SLC34A2: variants seen among roughly 807,000 people sequenced by gnomAD.
SLC34A2 encodes sodium-dependent phosphate transport protein 2B.
SLC34A2 carries 41 observed loss-of-function variants against 50.8 expected under a neutral mutation model. The observed-to-expected ratio is 0.81, with a 90% confidence interval of 0.63 to 1.05. SLC34A2 has a LOEUF of 1.05. Among genes scored for constraint, SLC34A2 ranks in the 50% least tolerant of loss-of-function variants. The probability of loss-of-function intolerance (pLI) is 0.00; values close to 1 mark genes in which losing one functional copy is unlikely to be tolerated. For missense variants in SLC34A2, 879 were observed against 876.7 expected, an observed-to-expected ratio of 1.00 and a Z score of -0.03; for synonymous variants, 401 against 364.2, an observed-to-expected ratio of 1.10 and a Z score of -1.15.
intron 1 of SLC34A2, among the ~76,000 whole-genome samples, chr4:25,661,997 C>T (rs1435209695): frequency 2.0e-5 from 3 of 151,994 alleles, no homozygotes; most frequent in African/African-American, 2.4e-5. Context: ...CTCAGCCTCC[C>T]GAGTAGCTGG....
At chr4:25,665,155 G>A (rs1197479524) in intron 4 of SLC34A2, 1 of 198,734 alleles carries the variant, frequency 5.0e-6, no homozygotes, top group African/African-American at 2.4e-5. Context: ...AACACTTCCT[G>A]GACATTGCTT....
intron 8 of SLC34A2, among the ~76,000 whole-genome samples, chr4:25,671,046 T>C (rs1254302832): frequency 6.6e-6 from 1 of 152,184 alleles, no homozygotes; most frequent in Non-Finnish European, 1.5e-5. Flanking sequence ...CAGACTCCCT[T>C]TTGCCCCATC....
chr4:25,674,522 A>G lies in SLC34A2; in HGVS notation c.1351A>G (p.Ile451Val), dbSNP rs1270314548. The G allele has an allele frequency of 1.9e-6, 3 of 1,614,034 alleles. No homozygotes were observed. The African/African-American group carries it at 4.0e-5, about 22-fold the overall frequency. The stretch of plus-strand genomic sequence containing the variant: ...TCCCCCAGGAATCGGCGTGATAACC[A>G]TTGAGAGGGCTTATCCACTCACGCT... ...TPLIGIGVIT[I>V]ERAYPLTLGS... Residue 451 changes from isoleucine (I) to valine (V), a missense_variant, in exon 12 of 13, where the codon ATT becomes GTT. By Grantham distance (29) the Ile-to-Val change is conservative (BLOSUM62 3). Transcript: ENST00000382051.
intron 1 of SLC34A2, among the ~76,000 whole-genome samples, chr4:25,657,622 T>C (rs1713953069): frequency 6.6e-6 from 1 of 152,240 alleles, no homozygotes; most frequent in Admixed American, 6.5e-5. Context: ...TGTGGTTTGG[T>C]GATATGGCCC....
intron 10 of SLC34A2, among the ~76,000 whole-genome samples, chr4:25,673,521 T>G (rs994782297): frequency 2.0e-5 from 3 of 152,116 alleles, no homozygotes; most frequent in African/African-American, 7.2e-5. Context: ...CCTTCCTTCT[T>G]AGCGGGTTTC....
chr4:25,671,509 G>A (rs1577500538), intron 8 of SLC34A2, 92 bp from the exon 9 acceptor site: 2 of 1,518,942 alleles, frequency 1.3e-6, no homozygotes, highest in East Asian at 4.5e-5. Flanking sequence ...ACCATGGGTG[G>A]TGTCTGCGCC....
chr4:25,663,788 C>A (rs1451817734), intron 3 of SLC34A2, among the ~76,000 whole-genome samples: 3 of 152,196 alleles, frequency 2.0e-5, no homozygotes, highest in Non-Finnish European at 4.4e-5. Context: ...CAGCTGCATT[C>A]TAGAAAATAC....
At chr4:25,660,704 C>A (rs1038045415) in intron 1 of SLC34A2, among the ~76,000 whole-genome samples, 1 of 152,124 alleles carries the variant, frequency 6.6e-6, no homozygotes, top group African/African-American at 2.4e-5. Flanking sequence ...TGCCACCACG[C>A]CTGGCTAATT....
At position 25,676,631 on chromosome 4, in the gene SLC34A2, A is replaced by T. The variant is rs747118884; in HGVS notation, c.1955A>T (p.Gln652Leu). The T allele has an allele frequency of 7.2e-5, 117 of 1,613,998 alleles. No homozygotes were observed. Among genetic ancestry groups the T allele is most frequent in the Non-Finnish European group, 9.6e-5 (113 of 1,179,972 alleles). ...TGCTGCGAGGACTTGGAGGAGGCGC[A>T]GGAGGGGCAGGATGTCCCTGTCAAG... ...SKCCEDLEEA[Q>L]EGQDVPVKAP... Residue 652 changes from glutamine to leucine, a missense_variant, in exon 13 of 13, where the codon CAG (glutamine) becomes CTG (leucine). By Grantham distance (113) the Gln-to-Leu change is moderately radical. Transcript: ENST00000382051.
intron 3 of SLC34A2, 138 bp from the exon 4 acceptor site, chr4:25,664,064 A>AT (rs1205709206): frequency 1.2e-6 from 1 of 840,094 alleles, no homozygotes; most frequent in Non-Finnish European, 2.1e-6. Context: ...CTGGCTAGAC[A>AT]TAAGAACTTA....
At chr4:25,673,572 A>G (rs1228479832) in intron 10 of SLC34A2, among the ~76,000 whole-genome samples, 1 of 152,082 alleles carries the variant, frequency 6.6e-6, no homozygotes, top group Admixed American at 6.6e-5. Context: ...AAGACCCCTT[A>G]GAAAAAGGAC....
chr4:25,673,784 AT>A (rs1714953223), intron 10 of SLC34A2, among the ~76,000 whole-genome samples: 1 of 152,024 alleles, frequency 6.6e-6, no homozygotes, highest in East Asian at 1.9e-4. Context: ...AGCCAAGAAA[AT>A]TCGCCCCCCA....
chr4:25,657,333 C>A lies in SLC34A2; in HGVS notation c.-4+1443C>A, dbSNP rs1713935852. Among the ~76,000 whole-genome samples the A allele has an allele frequency of 1.3e-5, 2 of 152,130 alleles. 1 individual carries two copies. Among genetic ancestry groups the A allele is most frequent in the South Asian group, 4.1e-4 (2 of 4,822 alleles). ...TAACCAGTTTCAGGCATCTTCCACTCCTCCATCCTCACCCACACCCCCACT... is the reference window on the plus strand; with the variant it reads ...TAACCAGTTTCAGGCATCTTCCACTACTCCATCCTCACCCACACCCCCACT... On this transcript the variant is annotated intron_variant, in intron 1 of 12. Coordinates refer to ENST00000382051, the MANE Select transcript of SLC34A2 (RefSeq NM_006424.3).
intron 10 of SLC34A2, among the ~76,000 whole-genome samples, chr4:25,673,590 G>GT (rs1331516097): frequency 7.2e-5 from 11 of 152,068 alleles, no homozygotes; most frequent in Admixed American, 7.2e-4. Context: ...GACCCCAGGT[G>GT]TCTGCCCTCG....
Position 25,678,603 on chromosome 4 carries a change from A to G in SLC34A2, c.*1854A>G. ...GCTGTGTTGCTCAGGCTGGTCTCAA[A>G]CTCCTGAGATCAAGCAATCCGCCCA... On this transcript the variant is annotated 3_prime_UTR_variant, in exon 13 of 13. Coordinates refer to ENST00000382051, the MANE Select transcript of SLC34A2 (RefSeq NM_006424.3). 3 of 290,010 alleles carry G rather than the reference A, an allele frequency of 1.0e-5. No individual in the cohort carries two copies. In the East Asian group the frequency reaches 1.9e-4, roughly 18 times the overall value. The allele number at this position is 290,010 out of a possible 1,614,324, so 18.0% of individuals were successfully genotyped here.
rs28652731 is a variant in SLC34A2, at chr4:25,658,835, T to C, written c.-4+2945T>C. The stretch of plus-strand genomic sequence containing the variant: ...AGTGGTTGCGCCAGGGCTATGGGGG[T>C]AGGAGAAAGGCTTAGAGGGGCTCAG... On this transcript the variant is annotated intron_variant, in intron 1 of 12. Transcript: ENST00000382051. Among the ~76,000 whole-genome samples the C allele has an allele frequency of 7.0e-3, 1,065 of 151,924 alleles. 11 individuals are homozygous for C. The highest frequency in any genetic ancestry group is 0.024 in the African/African-American group (1,006 of 41,408).
Position 25,676,979 on chromosome 4 carries a change from G to A in SLC34A2, c.*230G>A. 1 of 588,108 alleles carries A rather than the reference G, an allele frequency of 1.7e-6. No homozygotes were observed. The allele number at this position is 588,108 out of a possible 1,614,324, so 36.4% of individuals were successfully genotyped here. ...TAATCTTTTACTCCAGGAAGGCACA[G>A]GATGGTACCTAAAGAGAATTAGAGA... On this transcript the variant is annotated 3_prime_UTR_variant, in exon 13 of 13. Transcript: ENST00000382051.
chr4:25,669,506 C>G (rs867115669), intron 6 of SLC34A2, 141 bp from the exon 7 acceptor site: 2 of 816,350 alleles, frequency 2.4e-6, no homozygotes, highest in Non-Finnish European at 4.3e-6. Flanking sequence ...TATGAGAGAA[C>G]AAAAATGAGA....
chr4:25,657,139 C>T (rs1345290155), intron 1 of SLC34A2, among the ~76,000 whole-genome samples: 1 of 152,148 alleles, frequency 6.6e-6, no homozygotes, highest in Non-Finnish European at 1.5e-5. Flanking sequence ...CCATCCAAAA[C>T]TCCCCAAATT....
Sources: allele counts gnomAD v4.1 joint callset (sites outside exome capture counted in the v4.1 genomes callset), GRCh38; gene constraint gnomAD v4.1.1; transcripts MANE v1.5; gene names NCBI Gene and HGNC (gene_info 2026-07-23, HGNC 2026-07-21).